Variants in OR6C65 observed in about 807,000 individuals in gnomAD.
The protein encoded by OR6C65 is olfactory receptor family 6 subfamily C member 65.
For missense variants in OR6C65, 379 were observed against 366.2 expected, an observed-to-expected ratio of 1.03 and a Z score of -0.29; for synonymous variants, 126 against 127.5, an observed-to-expected ratio of 0.99 and a Z score of 0.08.
rs757112386 is a variant in OR6C65 at position 55,400,743 on chromosome 12, C to T, written c.215C>T (p.Thr72Met). Reference protein sequence around the residue: ...RNFSFLEISFTTVFIPRFLIN... With the variant: ...RNFSFLEISFMTVFIPRFLIN... ...TTCTCTTTCTTAGAAATTTCATTTA[C>T]GACAGTCTTCATTCCTAGATTTCTG... Residue 72 changes from threonine to methionine, a missense_variant, in exon 1 of 1, where the codon ACG (threonine) becomes ATG (methionine). Transcript: ENST00000379665. 37 of 1,609,822 alleles carry T rather than the reference C, an allele frequency of 2.3e-5. No homozygotes were observed. The highest frequency in any genetic ancestry group is 9.4e-5 in the African/African-American group (7 of 74,836).
In OR6C65 at chr12:55,400,838, C is replaced by CT; in HGVS notation, c.314dup (p.Leu105PhefsTer15). The CT allele has an allele frequency of 1.9e-6, 3 of 1,609,838 alleles. No homozygotes were observed. The highest frequency in any genetic ancestry group is 2.5e-6 in the Non-Finnish European group (3 of 1,178,864). On this transcript the variant is annotated frameshift_variant, in exon 1 of 1. Coordinates refer to ENST00000379665, the MANE Select transcript of OR6C65 (RefSeq NM_001005518.1). LOFTEE classifies it low-confidence loss of function (END_TRUNC). ...CATGGCCCAAGTATTTTTTTTAATT[C>CT]TTTTGGGATCAACAGAATTTTTTCT...
At position 55,401,393 on chromosome 12, in the gene OR6C65, A is replaced by G. The variant is rs1392181025; in HGVS notation, c.865A>G (p.Thr289Ala). ...VAPMLNPFIY[T>A]LRNQQVKQAL... ...TCCTATGTTGAATCCCTTTATTTAT[A>G]CCTTAAGAAACCAGCAGGTGAAACA... is the stretch of plus-strand genomic sequence containing the variant. The change falls in exon 1 of 1, where the codon ACC becomes GCC. Residue 289 changes from threonine to alanine, a missense_variant. Thr to Ala is a moderately conservative substitution (Grantham distance 58). Transcript: ENST00000379665. The G allele has an allele frequency of 1.9e-6, 3 of 1,612,394 alleles. No homozygotes were observed. The African/African-American group carries it at 4.0e-5, about 22-fold the overall frequency.
Position 55,401,118 on chromosome 12 carries a change from C to A in OR6C65, c.590C>A (p.Ala197Glu). ...CTDTQFLELM[A>E]FLLAVFTLMV... is the part of the protein sequence containing the mutation. ...GACACACAGTTTCTAGAGCTTATGGCATTTTTGCTAGCAGTATTCACACTC... is the reference window on the plus strand; with the variant it reads ...GACACACAGTTTCTAGAGCTTATGGAATTTTTGCTAGCAGTATTCACACTC... Residue 197 changes from alanine to glutamate, a missense_variant, in exon 1 of 1, where the codon GCA becomes GAA. Physicochemically the swap from Ala to Glu is moderately radical, Grantham distance 107. Transcript: ENST00000379665. 1 of 1,614,120 alleles carries A rather than the reference C, an allele frequency of 6.2e-7. No individual in the cohort carries two copies.
chr12:55,401,342 G>A lies in OR6C65; in HGVS notation c.814G>A (p.Val272Ile). The change falls in exon 1 of 1, where the codon GTA (valine) becomes ATA (isoleucine). Residue 272 changes from valine to isoleucine, a missense_variant. Val to Ile is a conservative substitution (Grantham distance 29). Transcript: ENST00000379665. ...AKEGMALSKG[V>I]AVLNTSVAPM... ...AGAAGGTATGGCTTTGAGCAAAGGT[G>A]TAGCAGTGCTTAATACCTCTGTTGC... The A allele has an allele frequency of 1.2e-6, 2 of 1,613,938 alleles. No homozygotes were observed. The highest frequency in any genetic ancestry group is 1.7e-6 in the Non-Finnish European group (2 of 1,179,862).
rs2091390829 is a variant in OR6C65, at chr12:55,400,910, C to T, written c.382C>T (p.Leu128=). 6.2e-7 allele frequency: 1 copy of T among 1,614,060 alleles called. No homozygotes were observed. Among genetic ancestry groups the T allele is most frequent in the Non-Finnish European group, 8.5e-7 (1 of 1,179,964 alleles). ...TCGCTATGTGGCTATCTGCAAACCT[C>T]TACATTATACAACCATCATGAGTAA... ...YDRYVAICKP[L]HYTTIMSNKV... is the part of the protein sequence containing the mutation. The change falls in exon 1 of 1, where the codon CTA becomes TTA. Residue 128 remains leucine (L), a synonymous_variant. Transcript: ENST00000379665.
At position 55,401,339 on chromosome 12, in the gene OR6C65, G is replaced by C; in HGVS notation, c.811G>C (p.Gly271Arg). ...AAAAGAAGGTATGGCTTTGAGCAAAGGTGTAGCAGTGCTTAATACCTCTGT... is the reference window on the plus strand; with the variant it reads ...AAAAGAAGGTATGGCTTTGAGCAAACGTGTAGCAGTGCTTAATACCTCTGT... ...SAKEGMALSK[G>R]VAVLNTSVAP... Residue 271 changes from glycine (G) to arginine (R), a missense_variant, in exon 1 of 1, where the codon GGT becomes CGT. Gly to Arg is a moderately radical substitution (Grantham distance 125, BLOSUM62 -2). Transcript: ENST00000379665. The C allele has an allele frequency of 6.2e-7, 1 of 1,614,044 alleles. No individual in the cohort carries two copies. The highest frequency in any genetic ancestry group is 8.5e-7 in the Non-Finnish European group (1 of 1,179,980).
chr12:55,401,465 T>C lies in OR6C65; in HGVS notation c.937T>C (p.Ter313GlnextTer?). 1 of 1,540,102 alleles carries C rather than the reference T, an allele frequency of 6.5e-7. No individual in the cohort carries two copies. Among genetic ancestry groups the C allele is most frequent in the Non-Finnish European group, 8.8e-7 (1 of 1,140,468 alleles). ...TKKILSLNKQ[*>Q] Reference sequence around the variant, plus strand: ...AAAAATATTATCATTGAACAAGCAATAATGATAACTAAATCTGTGGCTGAA... The same window carrying C: ...AAAAATATTATCATTGAACAAGCAACAATGATAACTAAATCTGTGGCTGAA... Residue 313 changes from the stop codon to glutamine, a stop_lost, in exon 1 of 1, where the codon TAA becomes CAA. Coordinates refer to ENST00000379665, the MANE Select transcript of OR6C65 (RefSeq NM_001005518.1).
chr12:55,400,992 T>A lies in OR6C65; in HGVS notation c.464T>A (p.Phe155Tyr), dbSNP rs755282025. 16 of 1,614,046 alleles carry A rather than the reference T, an allele frequency of 9.9e-6. 1 individual carries two copies. Among genetic ancestry groups the A allele is most frequent in the South Asian group, 9.9e-5 (9 of 91,082 alleles). ...TGGCTGGCTGGTTTTCTCATTATTTTTCCCCCCGTGATTATGGGCCTCCAA... is the reference window on the plus strand; with the variant it reads ...TGGCTGGCTGGTTTTCTCATTATTTATCCCCCCGTGATTATGGGCCTCCAA... ...SSWLAGFLII[F>Y]PPVIMGLQLD... The change falls in exon 1 of 1, where the codon TTT (phenylalanine) becomes TAT (tyrosine). Residue 155 changes from phenylalanine to tyrosine, a missense_variant. Phe to Tyr is a conservative substitution (Grantham distance 22). Coordinates refer to ENST00000379665, the MANE Select transcript of OR6C65 (RefSeq NM_001005518.1).
rs1384089408 is a variant in OR6C65, at chr12:55,400,557, T to C, written c.29T>C (p.Phe10Ser). The change falls in exon 1 of 1, where the codon TTC becomes TCC. Residue 10 changes from phenylalanine (F) to serine (S), a missense_variant. Transcript: ENST00000379665. MPNMTSIRE[F>S]ILLGFTDNPE... Reference sequence around the variant, plus strand: ...CCAAATATGACATCAATTAGAGAATTCATTCTTCTGGGATTTACAGATAAC... The same window carrying C: ...CCAAATATGACATCAATTAGAGAATCCATTCTTCTGGGATTTACAGATAAC... 6.5e-7 allele frequency: 1 copy of C among 1,542,236 alleles called. No homozygotes were observed. The highest frequency in any genetic ancestry group is 8.7e-7 in the Non-Finnish European group (1 of 1,145,292).
rs771355047 is a variant in OR6C65 at position 55,400,669 on chromosome 12, A to G, written c.141A>G (p.Thr47=). 2 of 1,604,778 alleles carry G rather than the reference A, an allele frequency of 1.2e-6. No homozygotes were observed. Among genetic ancestry groups the G allele is most frequent in the South Asian group, 2.2e-5 (2 of 90,456 alleles). ...VSGNMIIIML[T]LSNIHLKTPM... is the part of the protein sequence containing the mutation. ...GAAACATGATCATCATTATGTTAAC[A>G]TTGTCAAATATTCATTTGAAAACTC... Residue 47 remains threonine (T), a synonymous_variant, in exon 1 of 1, where the codon ACA becomes ACG. Coordinates refer to ENST00000379665, the MANE Select transcript of OR6C65 (RefSeq NM_001005518.1).
At position 55,401,364 on chromosome 12, in the gene OR6C65, T is replaced by C. The variant is rs1340741058; in HGVS notation, c.836T>C (p.Val279Ala). The change falls in exon 1 of 1, where the codon GTT becomes GCT. Residue 279 changes from valine (V) to alanine (A), a missense_variant. Coordinates refer to ENST00000379665, the MANE Select transcript of OR6C65 (RefSeq NM_001005518.1). Reference sequence around the variant, plus strand: ...GGTGTAGCAGTGCTTAATACCTCTGTTGCTCCTATGTTGAATCCCTTTATT... The same window carrying C: ...GGTGTAGCAGTGCTTAATACCTCTGCTGCTCCTATGTTGAATCCCTTTATT... ...SKGVAVLNTS[V>A]APMLNPFIYT... 2.3e-5 allele frequency: 37 copies of C among 1,613,890 alleles called. No individual in the cohort carries two copies. The highest frequency in any genetic ancestry group is 3.1e-5 in the Non-Finnish European group (37 of 1,179,900).
rs775167837 is a variant in OR6C65 at position 55,400,586 on chromosome 12, G to GAGTT, written c.60_63dup (p.Gln22ValfsTer58). 1.9e-6 allele frequency: 3 copies of GAGTT among 1,570,556 alleles called. No homozygotes were observed. In the Admixed American group the frequency reaches 5.6e-5, roughly 29 times the overall value. On this transcript the variant is annotated frameshift_variant, in exon 1 of 1. Transcript: ENST00000379665. LOFTEE classifies it low-confidence loss of function (END_TRUNC). ...TCTTCTGGGATTTACAGATAACCCA[G>GAGTT]AGTTACAAGTTGTGATATTCTTCTT...
Position 55,401,325 on chromosome 12 carries a change from T to C in OR6C65, c.797T>C (p.Met266Thr), listed in dbSNP as rs769246593. 36 of 1,614,018 alleles carry C rather than the reference T, an allele frequency of 2.2e-5. No individual in the cohort carries two copies. The highest frequency in any genetic ancestry group is 2.9e-5 in the Non-Finnish European group (34 of 1,179,992). Residue 266 changes from methionine to threonine, a missense_variant, in exon 1 of 1, where the codon ATG becomes ACG. By Grantham distance (81) the Met-to-Thr change is moderately conservative. Transcript: ENST00000379665. ...GTAAAAACATCTGCAAAAGAAGGTA[T>C]GGCTTTGAGCAAAGGTGTAGCAGTG... ...MCVKTSAKEG[M>T]ALSKGVAVLN...
Position 55,400,984 on chromosome 12 carries a change from C to T in OR6C65, c.456C>T (p.Leu152=). ...LVISSWLAGF[L]IIFPPVIMGL... ...TCAGCTCCTGGCTGGCTGGTTTTCT[C>T]ATTATTTTTCCCCCCGTGATTATGG... The change falls in exon 1 of 1, where the codon CTC becomes CTT. Residue 152 remains leucine (L), a synonymous_variant. Transcript: ENST00000379665. 1 of 1,614,120 alleles carries T rather than the reference C, an allele frequency of 6.2e-7. No homozygotes were observed. Among genetic ancestry groups the T allele is most frequent in the Middle Eastern group, 1.6e-4 (1 of 6,062 alleles).
chr12:55,400,574 A>G lies in OR6C65; in HGVS notation c.46A>G (p.Thr16Ala), dbSNP rs1470554732. ...TAGAGAATTCATTCTTCTGGGATTT[A>G]CAGATAACCCAGAGTTACAAGTTGT... Reference protein sequence around the residue: ...SIREFILLGFTDNPELQVVIF... With the variant: ...SIREFILLGFADNPELQVVIF... Residue 16 changes from threonine to alanine, a missense_variant, in exon 1 of 1, where the codon ACA (threonine) becomes GCA (alanine). Physicochemically the swap from Thr to Ala is moderately conservative, Grantham distance 58. Coordinates refer to ENST00000379665, the MANE Select transcript of OR6C65 (RefSeq NM_001005518.1). 2.6e-6 allele frequency: 4 copies of G among 1,560,190 alleles called. No homozygotes were observed. Among genetic ancestry groups the G allele is most frequent in the Non-Finnish European group, 3.5e-6 (4 of 1,153,542 alleles).
Position 55,400,817 on chromosome 12 carries a change from G to T in OR6C65, c.289G>T (p.Ala97Ser). 1 of 1,611,494 alleles carries T rather than the reference G, an allele frequency of 6.2e-7. No homozygotes were observed. The highest frequency in any genetic ancestry group is 8.5e-7 in the Non-Finnish European group (1 of 1,179,510). The change falls in exon 1 of 1, where the codon GCC (alanine) becomes TCC (serine). Residue 97 changes from alanine to serine, a missense_variant. Transcript: ENST00000379665. ...DTTISYNASM[A>S]QVFFLILLGS... ...AACCATTTCCTATAATGCTTCCATG[G>T]CCCAAGTATTTTTTTTAATTCTTTT...
chr12:55,401,178 C>T lies in OR6C65; in HGVS notation c.650C>T (p.Thr217Ile). 2 of 1,614,142 alleles carry T rather than the reference C, an allele frequency of 1.2e-6. No homozygotes were observed. Among genetic ancestry groups the T allele is most frequent in the Non-Finnish European group, 8.5e-7 (1 of 1,180,010 alleles). Residue 217 changes from threonine (T) to isoleucine (I), a missense_variant, in exon 1 of 1, where the codon ACA (threonine) becomes ATA (isoleucine). Thr to Ile is a moderately conservative substitution (Grantham distance 89, BLOSUM62 -1). Transcript: ENST00000379665. ...TTGGCCTTGGTGGTTCTCTCCTACACACTCATCCTTAAAACAATTCTGAAG... is the reference window on the plus strand; with the variant it reads ...TTGGCCTTGGTGGTTCTCTCCTACATACTCATCCTTAAAACAATTCTGAAG... ...VTLALVVLSYTLILKTILKIP... is the reference protein window; with the variant it reads ...VTLALVVLSYILILKTILKIP...
At position 55,401,153 on chromosome 12, in the gene OR6C65, T is replaced by G; in HGVS notation, c.625T>G (p.Leu209Val). 1.9e-6 allele frequency: 3 copies of G among 1,614,108 alleles called. No individual in the cohort carries two copies. The highest frequency in any genetic ancestry group is 2.5e-6 in the Non-Finnish European group (3 of 1,180,024). ...LLAVFTLMVT[L>V]ALVVLSYTLI... ...AGCAGTATTCACACTCATGGTAACT[T>G]TGGCCTTGGTGGTTCTCTCCTACAC... is the stretch of plus-strand genomic sequence containing the variant. The change falls in exon 1 of 1, where the codon TTG (leucine) becomes GTG (valine). Residue 209 changes from leucine to valine, a missense_variant. Transcript: ENST00000379665.
Position 55,401,394 on chromosome 12 carries a change from C to T in OR6C65, c.866C>T (p.Thr289Ile), listed in dbSNP as rs530999009. The T allele has an allele frequency of 7.2e-5, 116 of 1,612,420 alleles. 1 individual carries two copies. In the South Asian group the frequency reaches 1.1e-3, roughly 16 times the overall value. ...CCTATGTTGAATCCCTTTATTTATA[C>T]CTTAAGAAACCAGCAGGTGAAACAG... is the stretch of plus-strand genomic sequence containing the variant. ...VAPMLNPFIY[T>I]LRNQQVKQAL... Residue 289 changes from threonine (T) to isoleucine (I), a missense_variant, in exon 1 of 1, where the codon ACC becomes ATC. Transcript: ENST00000379665.
Sources: allele counts gnomAD v4.1 joint callset, GRCh38; gene constraint gnomAD v4.1.1; transcripts MANE v1.5; gene names NCBI Gene and HGNC (gene_info 2026-07-23, HGNC 2026-07-21).